Variants in MAGI2 observed in about 807,000 individuals in gnomAD.
MAGI2 encodes the protein membrane-associated guanylate kinase, WW and PDZ domain-containing protein 2.
MAGI2 carries 35 observed loss-of-function variants against 133.3 expected under a neutral mutation model. The ratio of observed to expected loss-of-function variants is 0.26; its 90% CI spans 0.20 to 0.35. MAGI2 has a LOEUF of 0.35. MAGI2 is among the 10% of genes least tolerant of loss of function. The pLI is 1.00. For synonymous variants in MAGI2, 729 were observed against 710.6 expected, an observed-to-expected ratio of 1.03 and a Z score of -0.41; for missense variants, 1,636 against 1,863.4, an observed-to-expected ratio of 0.88 and a Z score of 2.25.
chr7:78,587,323 G>A (rs1391592692), intron 3 of MAGI2, among the ~76,000 whole-genome samples: 1 of 151,808 alleles, frequency 6.6e-6, no homozygotes, highest in Non-Finnish European at 1.5e-5. Flanking sequence ...TTTTTACCAG[G>A]GCTTTCATCA....
intron 9 of MAGI2, among the ~76,000 whole-genome samples, chr7:78,307,197 CA>C (rs1798312743): frequency 6.6e-6 from 1 of 152,086 alleles, no homozygotes. Flanking sequence ...TTTTGTAATA[CA>C]AAAGGTAATT....
rs1011712059 is a variant in MAGI2 at position 78,198,326 on chromosome 7, T to C, written c.2079+2836A>G. Among the ~76,000 whole-genome samples, 3 of 152,126 alleles carry C rather than the reference T, an allele frequency of 2.0e-5. No homozygotes were observed. In the East Asian group the frequency reaches 5.8e-4, roughly 29 times the overall value. On this transcript the variant is annotated intron_variant, in intron 11 of 21. Coordinates refer to ENST00000354212, the MANE Select transcript of MAGI2 (RefSeq NM_012301.4). ...GAATGAATGGATGTCTGTGCAACTT[T>C]ATGAACGGACAGCCACTGAAATATC...
intron 3 of MAGI2, among the ~76,000 whole-genome samples, chr7:78,564,783 CTTTTTTTT>C (rs35069216): frequency 9.2e-4 from 59 of 64,358 alleles, no homozygotes; most frequent in Non-Finnish European, 1.4e-3. Flanking sequence ...CTTTGACATT[CTTTTTTTT>C]TTTTTTTTTT....
At chr7:78,075,522 G>A (rs1333020760) in intron 21 of MAGI2, among the ~76,000 whole-genome samples, 9 of 151,738 alleles carry the variant, frequency 5.9e-5, no homozygotes, top group South Asian at 4.2e-4. Flanking sequence ...GACTACAGGC[G>A]CCCACCACCA....
chr7:79,014,071 A>G (rs1808446016), intron 1 of MAGI2, among the ~76,000 whole-genome samples: 2 of 152,228 alleles, frequency 1.3e-5, no homozygotes, highest in African/African-American at 2.4e-5. Flanking sequence ...GACAAAATAT[A>G]TTAAACATTT....
intron 9 of MAGI2, among the ~76,000 whole-genome samples, chr7:78,313,514 AC>A (rs748851800): frequency 6.6e-5 from 10 of 152,142 alleles, no homozygotes; most frequent in Admixed American, 1.3e-4. Flanking sequence ...AAACAATGAT[AC>A]CAACACAAAA....
At chr7:78,533,125 T>C (rs1212397716) in intron 3 of MAGI2, among the ~76,000 whole-genome samples, 1 of 152,090 alleles carries the variant, frequency 6.6e-6, no homozygotes, top group Non-Finnish European at 1.5e-5. Flanking sequence ...GTATTTTTAG[T>C]AGAGAGGAAA....
intron 1 of MAGI2, among the ~76,000 whole-genome samples, chr7:79,358,285 C>A (rs957869538): frequency 2.0e-5 from 3 of 151,976 alleles, no homozygotes; most frequent in Non-Finnish European, 4.4e-5. Context: ...TGTGTAAATA[C>A]AAATAAATGG....
chr7:78,875,681 A>C (rs1245188186), intron 2 of MAGI2, among the ~76,000 whole-genome samples: 1 of 152,218 alleles, frequency 6.6e-6, no homozygotes, highest in African/African-American at 2.4e-5. Context: ...ATTTCAACCC[A>C]AAATTACTAA....
At chr7:78,937,494 AG>A (rs1800607866) in intron 2 of MAGI2, among the ~76,000 whole-genome samples, 1 of 152,172 alleles carries the variant, frequency 6.6e-6, no homozygotes, top group East Asian at 1.9e-4. Flanking sequence ...GTATTTTCAC[AG>A]TCTCCAAGTG....
chr7:78,440,975 C>G (rs931161174), intron 6 of MAGI2, among the ~76,000 whole-genome samples: 1 of 151,906 alleles, frequency 6.6e-6, no homozygotes, highest in African/African-American at 2.4e-5. Flanking sequence ...AATAAATACC[C>G]GAGAGAAGTC....
intron 3 of MAGI2, among the ~76,000 whole-genome samples, chr7:78,555,208 A>C (rs376543387): frequency 8.5e-6 from 1 of 117,986 alleles, no homozygotes; most frequent in Admixed American, 7.9e-5. Flanking sequence ...ATGGATAGAT[A>C]GATAGATAGA....
At chr7:78,874,425 T>C (rs1795262594) in intron 2 of MAGI2, among the ~76,000 whole-genome samples, 1 of 152,180 alleles carries the variant, frequency 6.6e-6, no homozygotes, top group African/African-American at 2.4e-5. Context: ...CTTTTGGTAA[T>C]GGCGGAATGA....
At chr7:78,540,233 C>G (rs930337203) in intron 3 of MAGI2, among the ~76,000 whole-genome samples, 1 of 152,202 alleles carries the variant, frequency 6.6e-6, no homozygotes, top group African/African-American at 2.4e-5. Flanking sequence ...TGAGCTCAGC[C>G]TGTCCTTGAG....
At chr7:78,216,277 G>A (rs1184982238) in intron 10 of MAGI2, among the ~76,000 whole-genome samples, 1 of 152,204 alleles carries the variant, frequency 6.6e-6, no homozygotes, top group Non-Finnish European at 1.5e-5. Flanking sequence ...CTGCATCTGA[G>A]TAATTCACTG....
At chr7:78,058,844 C>T (rs573266403) in intron 21 of MAGI2, among the ~76,000 whole-genome samples, 1 of 152,310 alleles carries the variant, frequency 6.6e-6, no homozygotes, top group African/African-American at 2.4e-5. Flanking sequence ...GGTTGCACAG[C>T]TAGTTAACGG....
chr7:78,417,417 C>T (rs1251597137), intron 6 of MAGI2, among the ~76,000 whole-genome samples: 1 of 152,050 alleles, frequency 6.6e-6, no homozygotes. Context: ...TGATAGCCTT[C>T]CCTGAGCTGC....
chr7:79,066,069 T>A (rs184892758), intron 1 of MAGI2, among the ~76,000 whole-genome samples: 7 of 152,320 alleles, frequency 4.6e-5, no homozygotes, highest in African/African-American at 1.7e-4. Context: ...CCTTTGGGTA[T>A]ATACCCAGTA....
chr7:78,295,735 AG>A (rs1797163987), intron 9 of MAGI2, among the ~76,000 whole-genome samples: 1 of 152,136 alleles, frequency 6.6e-6, no homozygotes. Flanking sequence ...TTATGTCAGT[AG>A]CCCTCCCCTA....
Sources: allele counts gnomAD v4.1 joint callset (sites outside exome capture counted in the v4.1 genomes callset), GRCh38; gene constraint gnomAD v4.1.1; transcripts MANE v1.5; gene names NCBI Gene and HGNC (gene_info 2026-07-23, HGNC 2026-07-21).